Variants in GOLGA3 observed in about 807,000 individuals in gnomAD.
The protein encoded by GOLGA3 is golgin A3, also known as golgin subfamily A member 3.
In GOLGA3, 75 loss-of-function variants were observed where a neutral mutation model predicts 169.4. The ratio of observed to expected loss-of-function variants is 0.44; its 90% CI spans 0.37 to 0.54. The LOEUF is 0.54. Among genes scored for constraint, GOLGA3 ranks in the 20% least tolerant of loss-of-function variants. The pLI, the probability that GOLGA3 is intolerant of heterozygous loss-of-function variation, is 0.00. For missense variants in GOLGA3, 1,899 were observed against 1,930.0 expected (o/e 0.98, Z 0.30); for synonymous variants, 824 against 822.4 (o/e 1.00, Z -0.03).
chr12:132,773,786 CTG>C (rs1283168693), intron 23 of GOLGA3, among the ~76,000 whole-genome samples: 7 of 144,636 alleles, frequency 4.8e-5, no homozygotes, highest in South Asian at 2.3e-4. Flanking sequence ...ACCGCAGAGG[CTG>C]TGTGAGTCCC....
chr12:132,779,730 G>C (rs376985377), intron 18 of GOLGA3, among the ~76,000 whole-genome samples: 1 of 149,178 alleles, frequency 6.7e-6, no homozygotes, highest in Non-Finnish European at 1.5e-5. Context: ...CCACAGCCCA[G>C]GCACACACGT....
chr12:132,780,303 G>T (rs955451365), intron 18 of GOLGA3, among the ~76,000 whole-genome samples: 8 of 152,184 alleles, frequency 5.3e-5, no homozygotes, highest in Non-Finnish European at 1.0e-4. Flanking sequence ...GCAAGCAGCA[G>T]CGTTCTAACA....
intron 1 of GOLGA3, among the ~76,000 whole-genome samples, chr12:132,823,851 G>A (rs1333999915): frequency 4.6e-5 from 7 of 151,442 alleles, no homozygotes; most frequent in Admixed American, 1.3e-4. Flanking sequence ...GGGGGGTCAA[G>A]GTGGGTGGAT....
chr12:132,773,342 G>T, intron 23 of GOLGA3, 48 bp from the exon 24 acceptor site: 1 of 1,202,192 alleles, frequency 8.3e-7, no homozygotes. Flanking sequence ...CAAGTGCCAG[G>T]CAGAACGCGC....
At chr12:132,780,284 AG>A (rs1413219195) in intron 18 of GOLGA3, among the ~76,000 whole-genome samples, 1 of 152,106 alleles carries the variant, frequency 6.6e-6, no homozygotes, top group African/African-American at 2.4e-5. Context: ...GGTATGGCGG[AG>A]GTAGCCAGCA....
chr12:132,778,299 G>A (rs574280914), intron 18 of GOLGA3, among the ~76,000 whole-genome samples: 5 of 149,508 alleles, frequency 3.3e-5, no homozygotes, highest in Admixed American at 1.3e-4. Flanking sequence ...AATAGGCCAG[G>A]CGTGGCGGCT....
chr12:132,789,033 G>C lies in GOLGA3; in HGVS notation c.2805C>G (p.His935Gln). The change falls in exon 13 of 24, where the codon CAC becomes CAG. Residue 935 changes from histidine to glutamine, a missense_variant. By Grantham distance (24) the His-to-Gln change is conservative. Transcript: ENST00000450791. ...CAACCCGACACGGACAGACCTGCAAGTGTGTTTCCATCTCGTCTCGCTCCT... is the reference window on the plus strand; with the variant it reads ...CAACCCGACACGGACAGACCTGCAACTGTGTTTCCATCTCGTCTCGCTCCT... ...AQKERDEMET[H>Q]LQSLQFDKEQ... The C allele has an allele frequency of 6.5e-7, 1 of 1,542,034 alleles. No homozygotes were observed. Among genetic ancestry groups the C allele is most frequent in the South Asian group, 1.2e-5 (1 of 84,210 alleles).
At position 132,776,993 on chromosome 12, in the gene GOLGA3, C is replaced by T. The variant is rs1025627053; in HGVS notation, c.3820G>A (p.Glu1274Lys). The T allele has an allele frequency of 3.7e-6, 6 of 1,608,638 alleles. No individual in the cohort carries two copies. Among genetic ancestry groups the T allele is most frequent in the African/African-American group, 1.3e-5 (1 of 74,724 alleles). Residue 1274 changes from glutamate (E) to lysine (K), a missense_variant, in exon 20 of 24, where the codon GAG (glutamate) becomes AAG (lysine). Coordinates refer to ENST00000450791, the MANE Select transcript of GOLGA3 (RefSeq NM_001389683.1). The part of the protein sequence containing the change: ...QLQLLQKQLD[E>K]QLSKQPVGNQ... Reference sequence around the variant, plus strand: ...CCCACGGGCTGTTTGCTGAGCTGCTCGTCCAGCTGCTTCTGCAGGAGCTGG... The same window carrying T: ...CCCACGGGCTGTTTGCTGAGCTGCTTGTCCAGCTGCTTCTGCAGGAGCTGG...
intron 8 of GOLGA3, among the ~76,000 whole-genome samples, chr12:132,799,734 T>A (rs921942482): frequency 6.6e-6 from 1 of 151,910 alleles, no homozygotes; most frequent in African/African-American, 2.4e-5. Flanking sequence ...ACTTCCTTGT[T>A]GTTGGTTTTT....
Position 132,789,155 on chromosome 12 carries a change from G to A in GOLGA3, c.2683C>T (p.Arg895Trp), listed in dbSNP as rs147896866. The change falls in exon 13 of 24, where the codon CGG becomes TGG. Residue 895 changes from arginine (R) to tryptophan (W), a missense_variant. Transcript: ENST00000450791. ...CGCGAGAGCTCCGCCTCGGCAGTCCGCTTCTCCCCGTGCACTTGCATCAGC... is the reference window on the plus strand; with the variant it reads ...CGCGAGAGCTCCGCCTCGGCAGTCCACTTCTCCCCGTGCACTTGCATCAGC... ...QELMQVHGEK[R>W]TAEAELSRLH... 3.3e-4 allele frequency: 539 copies of A among 1,612,278 alleles called. 1 individual carries two copies. The highest frequency in any genetic ancestry group is 4.2e-4 in the Non-Finnish European group (494 of 1,180,026).
chr12:132,809,624 C>T (rs1222218084), intron 4 of GOLGA3, among the ~76,000 whole-genome samples: 2 of 152,206 alleles, frequency 1.3e-5, no homozygotes, highest in Non-Finnish European at 2.9e-5. Flanking sequence ...TGCACTCTTG[C>T]CTTCTGGTCA....
chr12:132,825,897 T>A, intron 1 of GOLGA3: 1 of 961,322 alleles, frequency 1.0e-6, no homozygotes, highest in South Asian at 1.3e-5. Flanking sequence ...ACTGGTGATG[T>A]CTCCATTCGA....
In GOLGA3 at chr12:132,769,531, A is replaced by C. The variant is rs1451787103; in HGVS notation, c.*3574T>G. 1 of 152,222 alleles carries C rather than the reference A, an allele frequency of 6.6e-6. No individual in the cohort carries two copies. Among genetic ancestry groups the C allele is most frequent in the African/African-American group, 2.4e-5 (1 of 41,458 alleles). 9.4% of individuals were successfully genotyped at this position (152,222 alleles called of 1,614,324 possible). A position where few individuals can be genotyped will look rare whatever the true frequency, so the allele number is the denominator to read the frequency against. Reference sequence around the variant, plus strand: ...ACACTGCCTGATCCATATTGCAGAGAGTGGGAACGGGTGTGAGTCCGTAAG... The same window carrying C: ...ACACTGCCTGATCCATATTGCAGAGCGTGGGAACGGGTGTGAGTCCGTAAG... On this transcript the variant is annotated 3_prime_UTR_variant, in exon 24 of 24. Coordinates refer to ENST00000450791, the MANE Select transcript of GOLGA3 (RefSeq NM_001389683.1).
chr12:132,816,091 G>A (rs971019317), intron 3 of GOLGA3, among the ~76,000 whole-genome samples: 16 of 152,200 alleles, frequency 1.1e-4, no homozygotes, highest in African/African-American at 2.9e-4. Flanking sequence ...CCAGCTACTC[G>A]GGAGGCCGAG....
intron 23 of GOLGA3, among the ~76,000 whole-genome samples, chr12:132,773,600 C>A (rs764137449): frequency 2.6e-5 from 4 of 152,248 alleles, no homozygotes; most frequent in Non-Finnish European, 5.9e-5. Context: ...CTACACACTT[C>A]GCTCAGCCTC....
In GOLGA3 at chr12:132,773,177, AC is replaced by A; in HGVS notation, c.4424del (p.Gly1475ValfsTer46). ...PATASPVPPG[G>X]HAGPRGDPQR... ...GTGGGTCGCCGCGTGGGCCGGCGTG[AC>A]CCCCCGGGGGCACAGGGCTGGCAGT... On this transcript the variant is annotated frameshift_variant, in exon 24 of 24. Transcript: ENST00000450791. LOFTEE classifies it low-confidence loss of function (END_TRUNC). 5 of 1,583,666 alleles carry A rather than the reference AC, an allele frequency of 3.2e-6. No individual in the cohort carries two copies. The highest frequency in any genetic ancestry group is 1.8e-5 in the Admixed American group (1 of 56,034).
chr12:132,813,209 C>G, intron 4 of GOLGA3, 98 bp downstream of exon 4: 1 of 776,810 alleles, frequency 1.3e-6, no homozygotes, highest in Non-Finnish European at 2.2e-6. Context: ...CATGGCAGCT[C>G]AGAGAAGCCA....
rs564245426 is a variant in GOLGA3 at position 132,801,207 on chromosome 12, G to A, written c.1800+560C>T. 1.1e-4 allele frequency among the ~76,000 whole-genome samples: 16 copies of A among 152,372 alleles called. No homozygotes were observed. The South Asian group carries it at 3.3e-3, about 32-fold the overall frequency. ...GCTGTGCCCGCTAACGAGTGGACGG[G>A]AGAGGAAAGAGTTTTCCAACAGGAC... On this transcript the variant is annotated intron_variant, in intron 8 of 23. Transcript: ENST00000450791.
At chr12:132,828,483 G>A (rs3816760) in intron 1 of GOLGA3, 30,902 of 152,390 alleles carry the variant, frequency 0.2, 4,079 homozygotes, top group Non-Finnish European at 0.3. Flanking sequence ...AAAGGGCCAG[G>A]CTAAAGCAAG....
Sources: allele counts gnomAD v4.1 joint callset (sites outside exome capture counted in the v4.1 genomes callset), GRCh38; gene constraint gnomAD v4.1.1; transcripts MANE v1.5; gene names NCBI Gene and HGNC (gene_info 2026-07-23, HGNC 2026-07-21).